The following SLC14A2 variants were observed in gnomAD, a reference collection of about 807,000 sequenced individuals.
SLC14A2 encodes the protein solute carrier family 14 member 2, also known as urea transporter 2.
SLC14A2 carries 91 observed loss-of-function variants against 104.6 expected under a neutral mutation model. The ratio of observed to expected loss-of-function variants is 0.87; its 90% CI spans 0.73 to 1.04. The LOEUF (loss-of-function observed/expected upper bound fraction) is 1.04, where lower values mean the gene tolerates loss of function less well. SLC14A2 is among the 50% of genes least tolerant of loss of function. The pLI is 0.00. For missense variants in SLC14A2, 1,189 were observed against 1,156.0 expected, an observed-to-expected ratio of 1.03 and a Z score of -0.41; for synonymous variants, 476 against 466.4, an observed-to-expected ratio of 1.02 and a Z score of -0.27.
chr18:45,230,828 A>C (rs1020742686), intron 1 of SLC14A2, among the ~76,000 whole-genome samples: 14 of 152,232 alleles, frequency 9.2e-5, no homozygotes, highest in African/African-American at 3.4e-4. Flanking sequence ...AGAGTTCCAA[A>C]GAGCTGGTTG....
chr18:45,322,562 C>T lies in SLC14A2; in HGVS notation c.-125+109371C>T, dbSNP rs182831272. 7.9e-5 allele frequency among the ~76,000 whole-genome samples: 12 copies of T among 152,280 alleles called. No individual in the cohort carries two copies. In the East Asian group the frequency reaches 9.7e-4, roughly 12 times the overall value. On this transcript the variant is annotated intron_variant, in intron 1 of 20. Coordinates refer to the SLC14A2 transcript ENST00000586448. ...ATTTGTTTGACCTTTCAGGTAGATTCGCAACACATCAGGTCAGCAAATGTC... is the reference window on the plus strand; with the variant it reads ...ATTTGTTTGACCTTTCAGGTAGATTTGCAACACATCAGGTCAGCAAATGTC...
intron 16 of SLC14A2, 140 bp from the exon 17 acceptor site, chr18:45,672,760 C>T: frequency 1.5e-6 from 1 of 660,984 alleles, no homozygotes; most frequent in Non-Finnish European, 2.6e-6. Flanking sequence ...TTAAAGTTAA[C>T]CTATTTGAAT....
intron 1 of SLC14A2, among the ~76,000 whole-genome samples, chr18:45,224,849 T>C (rs1265256741): frequency 2.0e-5 from 3 of 152,176 alleles, no homozygotes. Flanking sequence ...TGGTTTGAAC[T>C]GGTTAGGGAA....
At chr18:45,391,497 C>A (rs2085964208) in intron 1 of SLC14A2, among the ~76,000 whole-genome samples, 1 of 152,190 alleles carries the variant, frequency 6.6e-6, no homozygotes, top group African/African-American at 2.4e-5. Context: ...TGAGGAATCG[C>A]CCCACTGACT....
At chr18:45,418,840 T>A (rs1224763132) in intron 1 of SLC14A2, among the ~76,000 whole-genome samples, 2 of 152,004 alleles carry the variant, frequency 1.3e-5, no homozygotes, top group Admixed American at 6.6e-5. Flanking sequence ...ATTTTCCTTC[T>A]GAGGAAAAAA....
chr18:45,240,301 TAGAC>T (rs1208852234), intron 1 of SLC14A2, among the ~76,000 whole-genome samples: 1 of 151,776 alleles, frequency 6.6e-6, no homozygotes. Context: ...TTCACCATGT[TAGAC>T]AGGATGGTCT....
intron 5 of SLC14A2, among the ~76,000 whole-genome samples, chr18:45,633,688 CA>C (rs1158302560): frequency 3.7e-4 from 56 of 152,298 alleles, no homozygotes; most frequent in African/African-American, 1.3e-3. Context: ...AGCAATAAAT[CA>C]GACAGGATGA....
chr18:45,508,163 G>A (rs766726512), intron 2 of SLC14A2, among the ~76,000 whole-genome samples: 4 of 152,176 alleles, frequency 2.6e-5, no homozygotes, highest in Non-Finnish European at 5.9e-5. Flanking sequence ...CTGACCTCCT[G>A]AGTCTTCCTG....
intron 19 of SLC14A2, among the ~76,000 whole-genome samples, chr18:45,681,512 C>T (rs946860819): frequency 6.6e-6 from 1 of 152,162 alleles, no homozygotes; most frequent in African/African-American, 2.4e-5. Flanking sequence ...ACTAAAAAGC[C>T]TTAGAGCATC....
upstream of SLC14A2, among the ~76,000 whole-genome samples, chr18:45,208,716 G>C (rs2083935720): frequency 6.6e-6 from 1 of 152,024 alleles, no homozygotes; most frequent in African/African-American, 2.4e-5. Flanking sequence ...GAGAAGAGTG[G>C]GGTGTCATGA....
intron 1 of SLC14A2, among the ~76,000 whole-genome samples, chr18:45,288,019 G>T (rs1021989239): frequency 2.6e-5 from 4 of 152,162 alleles, no homozygotes; most frequent in African/African-American, 9.7e-5. Flanking sequence ...CTTTAATTCT[G>T]TGTGCCTCCA....
intron 2 of SLC14A2, among the ~76,000 whole-genome samples, chr18:45,543,150 T>C (rs1253890136): frequency 6.6e-6 from 1 of 151,944 alleles, no homozygotes; most frequent in African/African-American, 2.4e-5. Flanking sequence ...GGTTTCACCA[T>C]GTTGGCCAGG....
chr18:45,314,995 G>A (rs2085114748), intron 1 of SLC14A2, among the ~76,000 whole-genome samples: 2 of 152,174 alleles, frequency 1.3e-5, no homozygotes, highest in South Asian at 4.1e-4. Context: ...ACTGAATGTG[G>A]CTTCGAGTTT....
intron 4 of SLC14A2, among the ~76,000 whole-genome samples, chr18:45,627,480 G>A (rs530120992): frequency 1.6e-4 from 25 of 152,300 alleles, no homozygotes; most frequent in Middle Eastern, 3.4e-3. Context: ...AATAATACAG[G>A]ACAGTATATA....
At chr18:45,604,141 A>AT (rs2044830249) in intron 2 of SLC14A2, among the ~76,000 whole-genome samples, 1 of 152,154 alleles carries the variant, frequency 6.6e-6, no homozygotes, top group Non-Finnish European at 1.5e-5. Context: ...ATGTAGTGCC[A>AT]TTTTGTCAAT....
chr18:45,341,869 C>T (rs564009975), intron 1 of SLC14A2, among the ~76,000 whole-genome samples: 9 of 152,108 alleles, frequency 5.9e-5, no homozygotes, highest in East Asian at 1.9e-4. Context: ...ATTACAGGCA[C>T]GAGCCACCAC....
chr18:45,184,637 C>A, the SLC14A2 span, among the ~76,000 whole-genome samples: 1 of 151,828 alleles, frequency 6.6e-6, no homozygotes, highest in East Asian at 1.9e-4. Context: ...TAGAAAACCA[C>A]TTTTTAAGTA....
At chr18:45,284,480 C>T (rs1371138083) in intron 1 of SLC14A2, among the ~76,000 whole-genome samples, 1 of 152,154 alleles carries the variant, frequency 6.6e-6, no homozygotes, top group Non-Finnish European at 1.5e-5. Flanking sequence ...ATGCCCCCTC[C>T]ACCCTGCCCT....
intron 1 of SLC14A2, among the ~76,000 whole-genome samples, chr18:45,409,659 A>G (rs977115243): frequency 2.0e-5 from 3 of 152,110 alleles, no homozygotes; most frequent in African/African-American, 7.2e-5. Flanking sequence ...TTCCCAGAAG[A>G]CAGTTTACAG....
Sources: gnomAD v4.1 joint callset for allele counts (sites outside exome capture counted in the v4.1 genomes callset) on GRCh38, gnomAD v4.1.1 for gene constraint, MANE v1.5 for transcripts, NCBI Gene and HGNC (gene_info 2026-07-23, HGNC 2026-07-21) for gene names.